The following ADORA1 variants were observed in gnomAD, a reference collection of about 807,000 sequenced individuals.
ADORA1 encodes the protein adenosine A1 receptor.
A neutral mutation model predicts 19.9 loss-of-function variants in ADORA1; 6 were observed. The observed-to-expected ratio is 0.30, with a 90% confidence interval of 0.17 to 0.59. The LOEUF is 0.59. Ranked by LOEUF, ADORA1 falls within the 20% of genes least tolerant of loss-of-function variation. ADORA1 has a pLI of 0.87. For missense variants in ADORA1, 302 were observed against 439.2 expected (o/e 0.69, Z 2.79); for synonymous variants, 194 against 188.4 (o/e 1.03, Z -0.24).
intron 3 of ADORA1, among the ~76,000 whole-genome samples, chr1:203,158,800 CT>C (rs1161723255): frequency 4.6e-5 from 7 of 152,126 alleles, no homozygotes; most frequent in Non-Finnish European, 8.8e-5. Flanking sequence ...TGACAAGGGC[CT>C]TTTTTTCTGG....
In ADORA1 at chr1:203,128,666, G is replaced by T; in HGVS notation, c.-57-119G>T. On this transcript the variant is annotated intron_variant, in intron 2 of 3. Coordinates refer to ENST00000337894, the MANE Select transcript of ADORA1 (RefSeq NM_000674.3). This position sits in a 1 kb window ranked among gnomAD's most constrained non-coding sequence, Gnocchi z 5.9. ...AGGGTCCGGGTGCCCCTCCAGCCTG[G>T]GTAGGAGCTGCATGTGACAAGTGGG... 2 of 1,244,196 alleles carry T rather than the reference G, an allele frequency of 1.6e-6. No individual in the cohort carries two copies. Among genetic ancestry groups the T allele is most frequent in the Admixed American group, 5.6e-5 (2 of 35,430 alleles). 77.1% of individuals were successfully genotyped at this position (1,244,196 alleles called of 1,614,324 possible). A position where few individuals can be genotyped will look rare whatever the true frequency, so the allele number is the denominator to read the frequency against.
Position 203,165,012 on chromosome 1 carries a change from CTAT to C in ADORA1, c.342-241_342-239del. 5 of 1,520,056 alleles carry C rather than the reference CTAT, an allele frequency of 3.3e-6. No homozygotes were observed. Among genetic ancestry groups the C allele is most frequent in the Non-Finnish European group, 4.4e-6 (5 of 1,126,000 alleles). The allele number at this position is 1,520,056 out of a possible 1,614,324, so 94.2% of individuals were successfully genotyped here. A position where few individuals can be genotyped will look rare whatever the true frequency, so the allele number is the denominator to read the frequency against. ...CATAAAGGAGCTCCTCTGTGATTTT[CTAT>C]TATTATTTTTGTCATTAATCAGGAT... On this transcript the variant is annotated intron_variant, in intron 3 of 3. Transcript: ENST00000337894. This position sits in a 1 kb window ranked among gnomAD's most constrained non-coding sequence, Gnocchi z 5.9.
chr1:203,150,911 C>T (rs1465108972), intron 3 of ADORA1: 1 of 844,414 alleles, frequency 1.2e-6, no homozygotes. Flanking sequence ...CAGCTGCCTC[C>T]TCAGAGCACA....
At chr1:203,161,370 C>T (rs187046923) in intron 3 of ADORA1, among the ~76,000 whole-genome samples, 6 of 152,198 alleles carry the variant, frequency 3.9e-5, no homozygotes, top group East Asian at 1.9e-4. Context: ...TTCAGGAGGT[C>T]GAAGTGGGAG....
chr1:203,163,488 A>G (rs16851017), intron 3 of ADORA1, among the ~76,000 whole-genome samples: 13,653 of 152,178 alleles, frequency 0.09, 1,052 homozygotes, highest in East Asian at 0.44. Flanking sequence ...GCACAAGTGC[A>G]CTGGTCACCT....
chr1:203,154,572 T>C (rs901452041), intron 3 of ADORA1, among the ~76,000 whole-genome samples: 3 of 152,166 alleles, frequency 2.0e-5, no homozygotes, highest in Admixed American at 1.3e-4. Context: ...GCACCCATGG[T>C]GGGCTTGTCT....
In ADORA1 at chr1:203,129,031, C is replaced by T; in HGVS notation, c.190C>T (p.Pro64Ser). Residue 64 changes from proline (P) to serine (S), a missense_variant, in exon 3 of 4, where the codon CCC becomes TCC. Transcript: ENST00000337894. ...TGTGGCCGTGGGTGCCCTGGTCATC[C>T]CCCTCGCCATCCTCATCAACATTGG... The part of the protein sequence containing the change: ...ADVAVGALVI[P>S]LAILINIGPQ... 2 of 1,614,150 alleles carry T rather than the reference C, an allele frequency of 1.2e-6. No homozygotes were observed. Among genetic ancestry groups the T allele is most frequent in the Non-Finnish European group, 1.7e-6 (2 of 1,180,024 alleles).
chr1:203,141,572 A>ATTTTTTT (rs56188119), intron 3 of ADORA1, among the ~76,000 whole-genome samples: 2 of 73,524 alleles, frequency 2.7e-5, no homozygotes, highest in African/African-American at 6.1e-5. Flanking sequence ...TCTAACCTGG[A>ATTTTTTT]TTTTTTTTTT....
chr1:203,163,542 AT>A (rs1421471601), intron 3 of ADORA1, among the ~76,000 whole-genome samples: 5 of 152,182 alleles, frequency 3.3e-5, no homozygotes, highest in African/African-American at 1.2e-4. Context: ...CAAGAATCCT[AT>A]GATCACAGAG....
At chr1:203,141,316 A>G (rs1654682680) in intron 3 of ADORA1, among the ~76,000 whole-genome samples, 1 of 152,202 alleles carries the variant, frequency 6.6e-6, no homozygotes, top group Non-Finnish European at 1.5e-5. Context: ...GTGGGCGGTG[A>G]GAGCCAGACC....
intron 3 of ADORA1, among the ~76,000 whole-genome samples, chr1:203,141,186 C>T (rs917952346): frequency 7.2e-5 from 11 of 152,268 alleles, no homozygotes; most frequent in Non-Finnish European, 1.0e-4. Context: ...CATGGGGGCA[C>T]GCTGTGTCCC....
chr1:203,159,113 T>C, intron 3 of ADORA1, among the ~76,000 whole-genome samples: 1 of 152,164 alleles, frequency 6.6e-6, no homozygotes, highest in East Asian at 1.9e-4. Flanking sequence ...TGTTCCTAAA[T>C]ACATCTCAAA....
At chr1:203,158,132 C>G (rs973520269) in intron 3 of ADORA1, among the ~76,000 whole-genome samples, 2 of 152,176 alleles carry the variant, frequency 1.3e-5, no homozygotes, top group African/African-American at 4.8e-5. Flanking sequence ...TTCTGCTTCC[C>G]TTTCGATGAT....
At chr1:203,155,995 G>A (rs554900630) in intron 3 of ADORA1, among the ~76,000 whole-genome samples, 4 of 152,320 alleles carry the variant, frequency 2.6e-5, no homozygotes, top group South Asian at 2.1e-4. Context: ...ATGTACTCAC[G>A]TTGCAGGTCC....
In ADORA1 at chr1:203,165,713, A is replaced by T. The variant is rs202084025; in HGVS notation, c.794A>T (p.Lys265Met). The change falls in exon 4 of 4, where the codon AAG (lysine) becomes ATG (methionine). Residue 265 changes from lysine to methionine, a missense_variant. Transcript: ENST00000337894. The surrounding 1 kb of genome is among the most constrained non-coding windows in gnomAD (Gnocchi z 5.9). ...ACCCTCTTCTGCCCGTCCTGCCACA[A>T]GCCCAGCATCCTTACCTACATTGCC... ...CITLFCPSCHKPSILTYIAIF... is the reference protein window; with the variant it reads ...CITLFCPSCHMPSILTYIAIF... 1 of 1,612,382 alleles carries T rather than the reference A, an allele frequency of 6.2e-7. No homozygotes were observed. Among genetic ancestry groups the T allele is most frequent in the Middle Eastern group, 1.7e-4 (1 of 6,050 alleles).
intron 3 of ADORA1, among the ~76,000 whole-genome samples, chr1:203,152,004 C>T (rs1020366981): frequency 1.4e-4 from 21 of 152,148 alleles, no homozygotes; most frequent in African/African-American, 4.6e-4. Flanking sequence ...GTTCAGTGCC[C>T]CTCCCTCCTT....
intron 3 of ADORA1, among the ~76,000 whole-genome samples, chr1:203,155,332 G>A (rs1321589821): frequency 6.6e-6 from 1 of 152,168 alleles, no homozygotes; most frequent in Non-Finnish European, 1.5e-5. Flanking sequence ...ATGAGCCACC[G>A]TGCCCAGACA....
intron 3 of ADORA1, among the ~76,000 whole-genome samples, chr1:203,135,717 C>T (rs914472098): frequency 6.6e-6 from 1 of 151,834 alleles, no homozygotes; most frequent in Non-Finnish European, 1.5e-5. Flanking sequence ...TAATGATTCA[C>T]AATGTTCATA....
At chr1:203,159,816 G>A (rs1655306790) in intron 3 of ADORA1, among the ~76,000 whole-genome samples, 1 of 152,202 alleles carries the variant, frequency 6.6e-6, no homozygotes, top group Admixed American at 6.5e-5. Context: ...TCAACTGCCT[G>A]ATTGCCCCCA....
Sources: gnomAD v4.1 joint callset for allele counts (sites outside exome capture counted in the v4.1 genomes callset) on GRCh38, gnomAD v4.1.1 for gene constraint, Gnocchi (gnomAD v3.1) non-coding constraint, MANE v1.5 for transcripts, NCBI Gene and HGNC (gene_info 2026-07-23, HGNC 2026-07-21) for gene names.